Variants in RGS7 observed in about 807,000 individuals in gnomAD.
The protein encoded by RGS7 is regulator of G protein signaling 7, also known as regulator of G-protein signaling 7.
A neutral mutation model predicts 81.1 loss-of-function variants in RGS7; 27 were observed. The observed-to-expected ratio is 0.33, with a 90% CI of 0.25 to 0.46. The LOEUF (loss-of-function observed/expected upper bound fraction) is 0.46, where lower values mean the gene tolerates loss of function less well. Among genes scored for constraint, RGS7 ranks in the 20% least tolerant of loss-of-function variants. The probability of loss-of-function intolerance (pLI) is 1.00; values close to 1 mark genes in which losing one functional copy is unlikely to be tolerated. For missense variants in RGS7, 396 were observed against 607.4 expected, an observed-to-expected ratio of 0.65 and a Z score of 3.66; for synonymous variants, 208 against 207.7, an observed-to-expected ratio of 1.00 and a Z score of -0.01.
intron 2 of RGS7, among the ~76,000 whole-genome samples, chr1:241,287,334 A>G (rs904794769): frequency 1.3e-5 from 2 of 152,164 alleles, no homozygotes; most frequent in East Asian, 3.8e-4. Flanking sequence ...AGGTGATTGA[A>G]TCATGGAGGC....
intron 2 of RGS7, among the ~76,000 whole-genome samples, chr1:241,108,333 A>G (rs1004880663): frequency 5.3e-5 from 8 of 151,616 alleles, no homozygotes; most frequent in Admixed American, 3.3e-4. Context: ...GCGCCAAAGA[A>G]AGACAAAAAT....
intron 4 of RGS7, among the ~76,000 whole-genome samples, chr1:240,962,551 G>A (rs12135522): frequency 0.42 from 63,344 of 151,954 alleles, 13,404 homozygotes; most frequent in South Asian, 0.48. Flanking sequence ...TAGGAAGTCA[G>A]TAGTCTATTT....
At chr1:241,356,261 A>G (rs1434429237) in intron 1 of RGS7, among the ~76,000 whole-genome samples, 1 of 152,052 alleles carries the variant, frequency 6.6e-6, no homozygotes, top group East Asian at 1.9e-4. Flanking sequence ...ACTTTCTCCT[A>G]GGTATCTGTC....
At chr1:241,158,518 C>T (rs2069366202) in intron 2 of RGS7, among the ~76,000 whole-genome samples, 1 of 152,170 alleles carries the variant, frequency 6.6e-6, no homozygotes, top group African/African-American at 2.4e-5. Flanking sequence ...AAATATCTGC[C>T]TTAAAACAGA....
chr1:241,158,042 A>G (rs1460463709), intron 2 of RGS7, among the ~76,000 whole-genome samples: 1 of 151,014 alleles, frequency 6.6e-6, no homozygotes, highest in Non-Finnish European at 1.5e-5. Flanking sequence ...GGATGGTCTC[A>G]TCTCCTGACC....
At chr1:240,943,960 T>G (rs1678040089) in intron 4 of RGS7, among the ~76,000 whole-genome samples, 1 of 151,654 alleles carries the variant, frequency 6.6e-6, no homozygotes, top group South Asian at 2.1e-4. Context: ...AAAAAGAAAA[T>G]CGACATTAAA....
At chr1:240,988,152 C>A (rs1228540915) in intron 3 of RGS7, among the ~76,000 whole-genome samples, 2 of 151,332 alleles carry the variant, frequency 1.3e-5, no homozygotes, top group Non-Finnish European at 2.9e-5. Context: ...TTACTGAAGG[C>A]ATGAGTCACT....
At chr1:241,084,777 C>A (rs929748478) in intron 3 of RGS7, among the ~76,000 whole-genome samples, 3 of 152,166 alleles carry the variant, frequency 2.0e-5, no homozygotes, top group African/African-American at 7.2e-5. Flanking sequence ...GATGAAGAAC[C>A]TTCCTAAACT....
At chr1:241,205,163 G>T (rs373010293) in intron 2 of RGS7, among the ~76,000 whole-genome samples, 3 of 145,328 alleles carry the variant, frequency 2.1e-5, no homozygotes, top group African/African-American at 7.6e-5. Flanking sequence ...TGCAACCTCT[G>T]CCTCCTGGGT....
In RGS7 at chr1:240,923,072, CTTG is replaced by C. The variant is rs776013921; in HGVS notation, c.385+7642_385+7644del. Among the ~76,000 whole-genome samples the C allele has an allele frequency of 2.3e-4, 35 of 151,772 alleles. 1 individual carries two copies. Among genetic ancestry groups the C allele is most frequent in the Non-Finnish European group, 1.0e-4 (7 of 67,854 alleles). On this transcript the variant is annotated intron_variant, in intron 6 of 18. Transcript: ENST00000440928. ...AAGACATGGAGAAACTATAACAAAT[CTTG>C]TTAAGTGAAAGAAGAAAAGGCTCTA...
chr1:240,775,867 G>C lies in RGS7; in HGVS notation c.*353C>G. On this transcript the variant is annotated 3_prime_UTR_variant, in exon 19 of 19. Coordinates refer to ENST00000440928, the MANE Select transcript of RGS7 (RefSeq NM_001364886.1). ...TGTGTGTCTAACTGAAGCTTTGAGA[G>C]AGAGAGAGAGAGAAAGAAGGAAAAA... 1 of 349,894 alleles carries C rather than the reference G, an allele frequency of 2.9e-6. No homozygotes were observed. Among genetic ancestry groups the C allele is most frequent in the South Asian group, 3.3e-5 (1 of 30,094 alleles). The allele number at this position is 349,894 out of a possible 1,614,324, so 21.7% of individuals were successfully genotyped here.
At chr1:241,087,974 CTCTATATATA>C (rs1298775205) in intron 3 of RGS7, among the ~76,000 whole-genome samples, 13 of 116,002 alleles carry the variant, frequency 1.1e-4, no homozygotes, top group African/African-American at 2.8e-4. Flanking sequence ...CTCTCTCTCT[CTCTATATATA>C]TATATATATA....
At chr1:241,189,753 C>A (rs769931261) in intron 2 of RGS7, among the ~76,000 whole-genome samples, 1 of 152,090 alleles carries the variant, frequency 6.6e-6, no homozygotes, top group African/African-American at 2.4e-5. Context: ...GACATTTAAT[C>A]GCTCTAGTAT....
At chr1:240,894,737 A>G (rs1668772442) in intron 6 of RGS7, among the ~76,000 whole-genome samples, 1 of 152,038 alleles carries the variant, frequency 6.6e-6, no homozygotes, top group Non-Finnish European at 1.5e-5. Context: ...ATTCTAATAT[A>G]AATTTCTTGT....
intron 3 of RGS7, among the ~76,000 whole-genome samples, chr1:241,051,816 C>T (rs1346155999): frequency 6.6e-6 from 1 of 152,174 alleles, no homozygotes; most frequent in African/African-American, 2.4e-5. Flanking sequence ...CATGTGTTAT[C>T]TTATTCACTC....
intron 3 of RGS7, among the ~76,000 whole-genome samples, chr1:241,081,170 G>A (rs79907852): frequency 0.014 from 2,100 of 152,178 alleles, 54 homozygotes; most frequent in African/African-American, 0.047. Flanking sequence ...TTTCATAAAT[G>A]TATTATTTTC....
At chr1:241,145,468 C>T (rs914974484) in intron 2 of RGS7, among the ~76,000 whole-genome samples, 2 of 152,052 alleles carry the variant, frequency 1.3e-5, no homozygotes, top group African/African-American at 2.4e-5. Flanking sequence ...AGGTTGGATC[C>T]GATAACTTTG....
intron 2 of RGS7, among the ~76,000 whole-genome samples, chr1:241,190,807 C>G (rs2072585034): frequency 6.6e-6 from 1 of 151,938 alleles, no homozygotes; most frequent in Non-Finnish European, 1.5e-5. Flanking sequence ...CTTCCCCCAG[C>G]CCCATCTTAT....
At chr1:241,119,039 G>C (rs1038969516) in intron 2 of RGS7, among the ~76,000 whole-genome samples, 1 of 150,724 alleles carries the variant, frequency 6.6e-6, no homozygotes, top group African/African-American at 2.4e-5. Flanking sequence ...CACCCAAAAT[G>C]TAAAATAAAA....
Sources: gnomAD v4.1 joint callset for allele counts (sites outside exome capture counted in the v4.1 genomes callset) on GRCh38, gnomAD v4.1.1 for gene constraint, MANE v1.5 for transcripts, NCBI Gene and HGNC (gene_info 2026-07-23, HGNC 2026-07-21) for gene names.